The following CRYL1 variants were observed in gnomAD, a reference collection of about 807,000 sequenced individuals.
CRYL1 encodes crystallin lambda 1.
CRYL1 carries 29 observed loss-of-function variants against 36.6 expected under a neutral mutation model. That is an observed-to-expected ratio of 0.79 (90% CI 0.59 to 1.08). The LOEUF (loss-of-function observed/expected upper bound fraction) is 1.08. Ranked by LOEUF, CRYL1 falls within the 50% of genes least tolerant of loss-of-function variation. The pLI is 0.00. For missense variants in CRYL1, 411 were observed against 407.9 expected (o/e 1.01, Z -0.06); for synonymous variants, 152 against 151.5 (o/e 1.00, Z -0.02).
intron 6 of CRYL1, among the ~76,000 whole-genome samples, chr13:20,412,713 G>A (rs1290925803): frequency 1.3e-5 from 2 of 152,122 alleles, no homozygotes; most frequent in Non-Finnish European, 2.9e-5. Context: ...CACAGATAAT[G>A]GGCTCAGACC....
At chr13:20,510,245 C>T (rs916922571) in intron 2 of CRYL1, among the ~76,000 whole-genome samples, 2 of 152,168 alleles carry the variant, frequency 1.3e-5, no homozygotes, top group Admixed American at 1.3e-4. Context: ...ATTGCCAAAA[C>T]CTGGAAGCAC....
At chr13:20,456,433 C>G (rs1331526621) in intron 3 of CRYL1, among the ~76,000 whole-genome samples, 1 of 150,088 alleles carries the variant, frequency 6.7e-6, no homozygotes, top group African/African-American at 2.5e-5. Context: ...CAAGATTCCA[C>G]CACTGCACTC....
intron 5 of CRYL1, among the ~76,000 whole-genome samples, chr13:20,421,503 A>T (rs913100675): frequency 1.2e-4 from 19 of 152,186 alleles, no homozygotes; most frequent in African/African-American, 4.6e-4. Context: ...ATAGGGCTCC[A>T]GTGGCCTCTC....
At chr13:20,467,042 C>T (rs1324111690) in intron 3 of CRYL1, among the ~76,000 whole-genome samples, 3 of 151,702 alleles carry the variant, frequency 2.0e-5, no homozygotes, top group Non-Finnish European at 2.9e-5. Flanking sequence ...CTGCCTCCCG[C>T]GTTCACACCA....
intron 6 of CRYL1, among the ~76,000 whole-genome samples, chr13:20,409,272 G>A (rs901643297): frequency 6.8e-6 from 1 of 147,912 alleles, no homozygotes; most frequent in African/African-American, 2.5e-5. Context: ...TTTAATAAAT[G>A]GTGCTGGGAA....
chr13:20,462,318 A>G (rs1435968103), intron 3 of CRYL1, among the ~76,000 whole-genome samples: 1 of 151,758 alleles, frequency 6.6e-6, no homozygotes, highest in African/African-American at 2.4e-5. Context: ...CACCATTTCA[A>G]CACTCATACA....
intron 2 of CRYL1, among the ~76,000 whole-genome samples, chr13:20,497,945 T>C (rs961949087): frequency 6.6e-6 from 1 of 152,112 alleles, no homozygotes; most frequent in African/African-American, 2.4e-5. Flanking sequence ...TTTTTAATGA[T>C]GGATTGAAAA....
chr13:20,462,378 T>C (rs763814624), intron 3 of CRYL1, among the ~76,000 whole-genome samples: 1 of 150,904 alleles, frequency 6.6e-6, no homozygotes, highest in Non-Finnish European at 1.5e-5. Context: ...CAAAATAAAC[T>C]ATGACAGGTT....
At chr13:20,486,046 G>A (rs890773308) in intron 3 of CRYL1, among the ~76,000 whole-genome samples, 4 of 151,926 alleles carry the variant, frequency 2.6e-5, no homozygotes, top group East Asian at 2.0e-4. Flanking sequence ...AGCCTCCCAA[G>A]TAGTTGGGAC....
At position 20,404,753 on chromosome 13, in the gene CRYL1, T is replaced by G. The variant is rs745867128; in HGVS notation, c.740-12A>C. On this transcript the variant is annotated splice_polypyrimidine_tract_variant and intron_variant, in intron 6 of 7. Coordinates refer to ENST00000298248, the MANE Select transcript of CRYL1 (RefSeq NM_015974.3). ...GTAGCTTAACATACCTGGAATTGTATGAAGACAAGAATCCACAATCTCAGA... is the reference window on the plus strand; with the variant it reads ...GTAGCTTAACATACCTGGAATTGTAGGAAGACAAGAATCCACAATCTCAGA... The G allele has an allele frequency of 1.3e-6, 2 of 1,538,630 alleles. No individual in the cohort carries two copies. Among genetic ancestry groups the G allele is most frequent in the Non-Finnish European group, 1.8e-6 (2 of 1,113,612 alleles).
At chr13:20,497,494 ACACAG>A (rs1362200341) in intron 2 of CRYL1, among the ~76,000 whole-genome samples, 35 of 111,754 alleles carry the variant, frequency 3.1e-4, no homozygotes, top group South Asian at 6.3e-4. Flanking sequence ...ACACAACTAC[ACACAG>A]CACACACCAC....
At chr13:20,484,069 G>A (rs1484012628) in intron 3 of CRYL1, among the ~76,000 whole-genome samples, 4 of 152,196 alleles carry the variant, frequency 2.6e-5, no homozygotes, top group African/African-American at 9.6e-5. Context: ...GCCCGCCTTG[G>A]CCTCCCAAAG....
chr13:20,523,550 T>C (rs1461242117), intron 1 of CRYL1, among the ~76,000 whole-genome samples: 1 of 152,160 alleles, frequency 6.6e-6, no homozygotes, highest in African/African-American at 2.4e-5. Context: ...TTTGGCAAAT[T>C]AATTGACATT....
At chr13:20,421,648 C>T (rs1421325924) in intron 5 of CRYL1, among the ~76,000 whole-genome samples, 2 of 152,184 alleles carry the variant, frequency 1.3e-5, no homozygotes, top group African/African-American at 4.8e-5. Context: ...CCCCCATCCT[C>T]TACTTCTGGG....
At chr13:20,434,655 G>A (rs980534384) in intron 4 of CRYL1, among the ~76,000 whole-genome samples, 4 of 123,708 alleles carry the variant, frequency 3.2e-5, no homozygotes, top group East Asian at 2.5e-4. Context: ...AACCCACTCC[G>A]CTGTCTTTCC....
At chr13:20,515,314 A>G (rs368605755) in intron 1 of CRYL1, among the ~76,000 whole-genome samples, 34 of 152,206 alleles carry the variant, frequency 2.2e-4, no homozygotes, top group African/African-American at 8.2e-4. Flanking sequence ...TACACTTTAA[A>G]TGGGTGAATT....
At chr13:20,443,886 A>G (rs1442897575) in intron 3 of CRYL1, among the ~76,000 whole-genome samples, 2 of 152,266 alleles carry the variant, frequency 1.3e-5, no homozygotes, top group Non-Finnish European at 2.9e-5. Context: ...AAGAAAGGAA[A>G]TATGAATTAG....
chr13:20,412,782 A>C (rs181723840), intron 6 of CRYL1, among the ~76,000 whole-genome samples: 3 of 152,090 alleles, frequency 2.0e-5, no homozygotes, highest in Middle Eastern at 3.4e-3. Context: ...TGCCCCACCC[A>C]TATGCCCCTC....
chr13:20,510,072 T>C (rs1054637633), intron 2 of CRYL1, among the ~76,000 whole-genome samples: 5 of 152,152 alleles, frequency 3.3e-5, no homozygotes, highest in African/African-American at 1.2e-4. Context: ...GAATGCAAAA[T>C]AGGACAGCCA....
Sources: allele counts gnomAD v4.1 joint callset (sites outside exome capture counted in the v4.1 genomes callset), GRCh38; gene constraint gnomAD v4.1.1; transcripts MANE v1.5; gene names NCBI Gene and HGNC (gene_info 2026-07-23, HGNC 2026-07-21).